Variants in LIN28B observed in about 807,000 individuals in gnomAD.
The protein encoded by LIN28B is protein lin-28 homolog B.
In LIN28B, 5 loss-of-function variants were observed where a neutral mutation model predicts 21.9. The observed-to-expected ratio is 0.23, with a 90% CI of 0.12 to 0.48. LIN28B has a LOEUF of 0.48. LIN28B is among the 20% of genes least tolerant of loss of function. The pLI is 0.98. For missense variants in LIN28B, 245 were observed against 310.5 expected, an observed-to-expected ratio of 0.79 and a Z score of 1.58; for synonymous variants, 109 against 111.3, an observed-to-expected ratio of 0.98 and a Z score of 0.13.
chr6:105,047,908 G>A (rs1771804019), intron 3 of LIN28B, among the ~76,000 whole-genome samples: 1 of 152,182 alleles, frequency 6.6e-6, no homozygotes, highest in South Asian at 2.1e-4. Flanking sequence ...TCGGCTTAAG[G>A]AGATTTTGGG....
At chr6:105,043,946 G>T (rs573983575) in intron 3 of LIN28B, among the ~76,000 whole-genome samples, 24 of 152,132 alleles carry the variant, frequency 1.6e-4, no homozygotes, top group African/African-American at 5.5e-4. Context: ...GGTTTTCAAG[G>T]TATGAAATAT....
chr6:105,006,620 GT>G (rs1207735693), intron 2 of LIN28B, among the ~76,000 whole-genome samples: 1 of 152,082 alleles, frequency 6.6e-6, no homozygotes, highest in East Asian at 1.9e-4. Context: ...CCTAGATTAT[GT>G]TTTGGTAACA....
intron 2 of LIN28B, among the ~76,000 whole-genome samples, chr6:105,022,811 T>A (rs1257717541): frequency 2.6e-5 from 4 of 152,100 alleles, no homozygotes; most frequent in Non-Finnish European, 5.9e-5. Flanking sequence ...CTGGAGAAGG[T>A]CAGAGAAAAA....
In LIN28B at chr6:104,950,351, C is replaced by T. The variant is rs868673144; in HGVS notation, c.19-110C>T. Reference sequence around the variant, plus strand: ...GTAAAAAAAAGTTTACAGGTCTCTTCACAGAGTCAAAACCTGGGCATTTTA... The same window carrying T: ...GTAAAAAAAAGTTTACAGGTCTCTTTACAGAGTCAAAACCTGGGCATTTTA... On this transcript the variant is annotated intron_variant, in intron 2 of 5. Transcript: ENST00000635857. 91 of 545,546 alleles carry T rather than the reference C, an allele frequency of 1.7e-4. No homozygotes were observed. The Middle Eastern group carries it at 2.2e-3, about 13-fold the overall frequency. The allele number at this position is 545,546 out of a possible 1,614,324, so 33.8% of individuals were successfully genotyped here.
At chr6:104,990,598 G>T (rs577623278) in intron 2 of LIN28B, among the ~76,000 whole-genome samples, 8 of 147,558 alleles carry the variant, frequency 5.4e-5, no homozygotes, top group African/African-American at 2.0e-4. Context: ...TCATTCTTGG[G>T]TGTTTCTCGC....
intron 2 of LIN28B, among the ~76,000 whole-genome samples, chr6:104,937,876 G>T (rs1290662843): frequency 6.6e-6 from 1 of 151,864 alleles, no homozygotes; most frequent in Non-Finnish European, 1.5e-5. Flanking sequence ...GATATTAAGA[G>T]TAAGAGCCTG....
intron 2 of LIN28B, among the ~76,000 whole-genome samples, chr6:105,002,461 T>A (rs1770738587): frequency 6.6e-6 from 1 of 152,188 alleles, no homozygotes; most frequent in South Asian, 2.1e-4. Context: ...TAGGACTGCA[T>A]TATCCGAAAT....
At chr6:104,979,619 G>A (rs756691986) in intron 2 of LIN28B, among the ~76,000 whole-genome samples, 2 of 150,920 alleles carry the variant, frequency 1.3e-5, no homozygotes, top group Non-Finnish European at 2.9e-5. Flanking sequence ...TTCTGAATCA[G>A]GTATTTATGC....
chr6:104,939,849 C>G (rs1233466697), intron 2 of LIN28B, among the ~76,000 whole-genome samples: 1 of 152,112 alleles, frequency 6.6e-6, no homozygotes, highest in Non-Finnish European at 1.5e-5. Context: ...TAATGATTGA[C>G]TAGTACTGTT....
chr6:104,992,247 A>G (rs1770502687), intron 2 of LIN28B, among the ~76,000 whole-genome samples: 1 of 151,954 alleles, frequency 6.6e-6, no homozygotes, highest in South Asian at 2.1e-4. Flanking sequence ...TTTAGTAGAG[A>G]CAGGGTTTTT....
At chr6:104,978,029 CTTGT>C (rs1258351521) in intron 2 of LIN28B, among the ~76,000 whole-genome samples, 1 of 152,194 alleles carries the variant, frequency 6.6e-6, no homozygotes, top group Non-Finnish European at 1.5e-5. Context: ...ATTAACTCTT[CTTGT>C]TTAAGAAAAC....
rs535838170 is a variant in LIN28B, at chr6:105,046,680, T to G, written c.383+20198T>G. 1.2e-3 allele frequency among the ~76,000 whole-genome samples: 190 copies of G among 152,278 alleles called. 2 individuals are homozygous for G. The highest frequency in any genetic ancestry group is 4.5e-3 in the African/African-American group (185 of 41,552). ...TCTCCACATCCTCTCCAGCACCTGT[T>G]GTTTCCTGACTTTTTAATGATCACC... On this transcript the variant is annotated intron_variant, in intron 3 of 3. Transcript: ENST00000345080.
chr6:104,979,296 G>A (rs908118201), intron 2 of LIN28B, among the ~76,000 whole-genome samples: 2 of 150,714 alleles, frequency 1.3e-5, no homozygotes, highest in Middle Eastern at 3.2e-3. Context: ...TGCAACCTCC[G>A]CCTCCCAGGC....
At chr6:104,942,975 T>G (rs2114542545) in intron 2 of LIN28B, among the ~76,000 whole-genome samples, 1 of 152,292 alleles carries the variant, frequency 6.6e-6, no homozygotes, top group South Asian at 2.1e-4. Flanking sequence ...GTATGGTGTC[T>G]TACTATGTAT....
chr6:105,073,444 C>T (rs1020176549), intron 3 of LIN28B, among the ~76,000 whole-genome samples: 1 of 151,972 alleles, frequency 6.6e-6, no homozygotes, highest in Non-Finnish European at 1.5e-5. Flanking sequence ...AATTCCTTTT[C>T]TGTATTCGTA....
intron 2 of LIN28B, among the ~76,000 whole-genome samples, chr6:104,994,277 T>C (rs1770555754): frequency 6.6e-6 from 1 of 152,246 alleles, no homozygotes; most frequent in African/African-American, 2.4e-5. Context: ...TTGCTGGGAT[T>C]ACAGGCGTGA....
At chr6:104,981,241 C>A (rs1202672522) in intron 2 of LIN28B, among the ~76,000 whole-genome samples, 2 of 152,120 alleles carry the variant, frequency 1.3e-5, no homozygotes, top group Non-Finnish European at 2.9e-5. Context: ...TCAACTTCTA[C>A]CCCCACTCAC....
intron 2 of LIN28B, among the ~76,000 whole-genome samples, chr6:104,979,612 T>C (rs957509668): frequency 1.9e-4 from 29 of 152,154 alleles, no homozygotes; most frequent in African/African-American, 6.8e-4. Context: ...AAGCTGTTTC[T>C]GAATCAGGTA....
At chr6:104,940,566 T>C (rs1259779727) in intron 2 of LIN28B, 1 of 150,226 alleles carries the variant, frequency 6.7e-6, no homozygotes, top group Non-Finnish European at 1.5e-5. Context: ...GAAGGTTCAA[T>C]CTCGCGCGCT....
Sources: gnomAD v4.1 joint callset for allele counts (sites outside exome capture counted in the v4.1 genomes callset) on GRCh38, gnomAD v4.1.1 for gene constraint, MANE v1.5 for transcripts, NCBI Gene and HGNC (gene_info 2026-07-23, HGNC 2026-07-21) for gene names.